The following VDAC1 variants were observed in gnomAD, a reference collection of about 807,000 sequenced individuals.
VDAC1 encodes the protein non-selective voltage-gated ion channel VDAC1.
VDAC1 carries 10 observed loss-of-function variants against 34.7 expected under a neutral mutation model. The ratio of observed to expected loss-of-function variants is 0.29; its 90% CI spans 0.18 to 0.49. The LOEUF (loss-of-function observed/expected upper bound fraction) is 0.49, where lower values mean the gene tolerates loss of function less well. Ranked by LOEUF, VDAC1 falls within the 20% of genes least tolerant of loss-of-function variation. The pLI is 0.99. For missense variants in VDAC1, 230 were observed against 347.9 expected (o/e 0.66, Z 2.69); for synonymous variants, 130 against 136.0 (o/e 0.96, Z 0.30).
At chr5:134,063,995 ATTTTTTTTTTTTT>A in the VDAC1 span, among the ~76,000 whole-genome samples, 1 of 86,516 alleles carries the variant, frequency 1.2e-5, no homozygotes, top group Non-Finnish European at 2.2e-5. Context: ...ACCTGTACTA[ATTTTTTTTTTTTT>A]TTTTTTTTTT....
chr5:133,975,483 T>A (rs1360501358), intron 7 of VDAC1, among the ~76,000 whole-genome samples: 1 of 150,132 alleles, frequency 6.7e-6, no homozygotes, highest in Non-Finnish European at 1.5e-5. Flanking sequence ...TTTTTTGAGA[T>A]AGAATCTCAC....
At chr5:133,983,276 G>T (rs1039066217) in intron 5 of VDAC1, among the ~76,000 whole-genome samples, 3 of 150,942 alleles carry the variant, frequency 2.0e-5, no homozygotes, top group Non-Finnish European at 4.4e-5. Context: ...AAAAAGAAAT[G>T]ATCAACTTTT....
the VDAC1 span, among the ~76,000 whole-genome samples, chr5:134,079,681 T>G: frequency 6.6e-6 from 1 of 152,316 alleles, no homozygotes; most frequent in African/African-American, 2.4e-5. Flanking sequence ...TGCAAAGCCT[T>G]AGATTGCTAG....
At chr5:133,982,401 A>T (rs1752731904) in intron 5 of VDAC1, among the ~76,000 whole-genome samples, 1 of 151,334 alleles carries the variant, frequency 6.6e-6, no homozygotes, top group Non-Finnish European at 1.5e-5. Flanking sequence ...AATCCCAGCT[A>T]CTCAGGAGGC....
chr5:134,046,839 G>A, the VDAC1 span, among the ~76,000 whole-genome samples: 1 of 152,224 alleles, frequency 6.6e-6, no homozygotes, highest in South Asian at 2.1e-4. Context: ...GGTGACCTTG[G>A]CCATGTGGCT....
chr5:134,070,303 G>C, the VDAC1 span, among the ~76,000 whole-genome samples: 2 of 151,924 alleles, frequency 1.3e-5, no homozygotes, highest in African/African-American at 4.8e-5. Flanking sequence ...CAGCATGCTC[G>C]GTTAATTTTT....
At chr5:134,110,517 A>G in the VDAC1 span, among the ~76,000 whole-genome samples, 1 of 152,204 alleles carries the variant, frequency 6.6e-6, no homozygotes, top group East Asian at 1.9e-4. Context: ...GTGAAACTAC[A>G]CAGAGTTTCC....
the VDAC1 span, among the ~76,000 whole-genome samples, chr5:134,108,186 G>A: frequency 6.6e-6 from 1 of 152,142 alleles, no homozygotes; most frequent in Non-Finnish European, 1.5e-5. Context: ...GCCTCAGACT[G>A]CAGAATGCCC....
chr5:134,069,656 T>G, the VDAC1 span, among the ~76,000 whole-genome samples: 10 of 152,114 alleles, frequency 6.6e-5, no homozygotes, highest in Non-Finnish European at 1.3e-4. Flanking sequence ...GCGTTTCTCT[T>G]TATTTCTCTA....
the VDAC1 span, among the ~76,000 whole-genome samples, chr5:134,067,410 G>T: frequency 7.7e-6 from 1 of 129,402 alleles, no homozygotes; most frequent in Non-Finnish European, 1.6e-5. Flanking sequence ...TCCCTAGCAG[G>T]TTAGAAGTTA....
chr5:134,107,298 G>A, the VDAC1 span, among the ~76,000 whole-genome samples: 1 of 152,236 alleles, frequency 6.6e-6, no homozygotes, highest in South Asian at 2.1e-4. Flanking sequence ...CCCAGCCTCT[G>A]CTCATACACC....
chr5:134,006,847 G>C (rs917555781), upstream of VDAC1, among the ~76,000 whole-genome samples: 2 of 150,992 alleles, frequency 1.3e-5, no homozygotes, highest in African/African-American at 4.9e-5. Context: ...GCTAGTTTCA[G>C]ATTAACCACT....
At chr5:133,977,223 TGGA>T (rs762485636) in intron 6 of VDAC1, among the ~76,000 whole-genome samples, 1 of 152,222 alleles carries the variant, frequency 6.6e-6, no homozygotes, top group East Asian at 1.9e-4. Context: ...CCCAGCCTCT[TGGA>T]GGAGCAGCAC....
the VDAC1 span, among the ~76,000 whole-genome samples, chr5:134,071,111 A>T: frequency 2.6e-5 from 4 of 152,134 alleles, no homozygotes; most frequent in Admixed American, 6.5e-5. This position sits in a 1 kb window ranked among gnomAD's most constrained non-coding sequence, Gnocchi z 4.1. Flanking sequence ...TTAACCCAAC[A>T]CACCTCGACC....
chr5:134,080,208 T>C, the VDAC1 span, among the ~76,000 whole-genome samples: 1 of 152,246 alleles, frequency 6.6e-6, no homozygotes, highest in Non-Finnish European at 1.5e-5. Flanking sequence ...ACGAAGGATT[T>C]CTCACATGTC....
chr5:134,075,307 T>TGCC, the VDAC1 span, among the ~76,000 whole-genome samples: 1 of 126,350 alleles, frequency 7.9e-6, no homozygotes, highest in African/African-American at 3.1e-5. Flanking sequence ...CCATTCACAC[T>TGCC]ATTCACACTG....
At chr5:134,044,641 A>G in the VDAC1 span, among the ~76,000 whole-genome samples, 1 of 147,298 alleles carries the variant, frequency 6.8e-6, no homozygotes, top group Non-Finnish European at 1.5e-5. Context: ...GTGTGTGCAT[A>G]TTGCTATCTG....
intron 1 of VDAC1, among the ~76,000 whole-genome samples, chr5:134,001,544 A>T (rs1368069154): frequency 6.6e-6 from 1 of 151,884 alleles, no homozygotes; most frequent in Non-Finnish European, 1.5e-5. Flanking sequence ...GTGAAACCCC[A>T]TCTCTACTAA....
chr5:134,069,051 G>C, the VDAC1 span, among the ~76,000 whole-genome samples: 2 of 149,190 alleles, frequency 1.3e-5, no homozygotes, highest in African/African-American at 4.9e-5. Flanking sequence ...TTACTTAGTA[G>C]CAGTCCTCTC....
Sources: gnomAD v4.1 joint callset for allele counts (sites outside exome capture counted in the v4.1 genomes callset) on GRCh38, gnomAD v4.1.1 for gene constraint, Gnocchi (gnomAD v3.1) non-coding constraint, MANE v1.5 for transcripts, NCBI Gene and HGNC (gene_info 2026-07-23, HGNC 2026-07-21) for gene names.